DENND1C: variants seen among roughly 807,000 people sequenced by gnomAD.
The protein encoded by DENND1C is DENN domain-containing protein 1C.
In DENND1C, 64 loss-of-function variants were observed where a neutral mutation model predicts 87.9. That is an observed-to-expected ratio of 0.73 (90% CI 0.60 to 0.90). DENND1C has a LOEUF of 0.90. Among genes scored for constraint, DENND1C ranks in the 40% least tolerant of loss-of-function variants. The probability of loss-of-function intolerance (pLI) is 0.00; values close to 1 mark genes in which losing one functional copy is unlikely to be tolerated. For synonymous variants in DENND1C, 384 were observed against 424.4 expected (o/e 0.90, Z 1.17); for missense variants, 980 against 1,037.0 (o/e 0.95, Z 0.76).
chr19:6,475,905 G>C lies in DENND1C; in HGVS notation c.711C>G (p.Leu237=), dbSNP rs1305461720. 1 of 1,570,968 alleles carries C rather than the reference G, an allele frequency of 6.4e-7. No individual in the cohort carries two copies. The highest frequency in any genetic ancestry group is 8.6e-7 in the Non-Finnish European group (1 of 1,166,650). ...LTSCVHASCA[L]LYPMRWEHVL... ...CGTGCTCCCAGCGCATGGGGTACAG[G>C]AGCGCGCAGGACGCGTGGACGCACG... is the stretch of plus-strand genomic sequence containing the variant. The change falls in exon 11 of 23, where the codon CTC becomes CTG. Residue 237 remains leucine, a synonymous_variant. Transcript: ENST00000381480.
chr19:6,480,114 T>C lies in DENND1C; in HGVS notation c.18-63A>G, dbSNP rs1408805660. 10 of 1,559,480 alleles carry C rather than the reference T, an allele frequency of 6.4e-6. No individual in the cohort carries two copies. In the Admixed American group the frequency reaches 1.9e-4, roughly 30 times the overall value. On this transcript the variant is annotated intron_variant, in intron 1 of 22. Coordinates refer to ENST00000381480, the MANE Select transcript of DENND1C (RefSeq NM_024898.4). ...TGCATGTGTGGTTGTGTCTGCCACT[T>C]TGCACACAAGTGTGGTTGTGTGTGC... is the stretch of plus-strand genomic sequence containing the variant.
In DENND1C at chr19:6,476,720, C is replaced by T; in HGVS notation, c.678+137G>A. On this transcript the variant is annotated intron_variant, in intron 10 of 22. Transcript: ENST00000381480. ...GGGCCAGAGTTCAACTCTCCAAGAC[C>T]TTCGAAGGGGCGGGGCCAGGACTTC... 9.0e-6 allele frequency: 8 copies of T among 884,460 alleles called. No homozygotes were observed. The South Asian group carries it at 1.1e-4, about 12-fold the overall frequency. 54.8% of individuals were successfully genotyped at this position (884,460 alleles called of 1,614,324 possible). A position where few individuals can be genotyped will look rare whatever the true frequency, so the allele number is the denominator to read the frequency against.
intron 10 of DENND1C, 192 bp from the exon 11 acceptor site, chr19:6,476,129 G>A: frequency 1.7e-6 from 1 of 590,544 alleles, no homozygotes; most frequent in Non-Finnish European, 2.9e-6. Context: ...GCTTTAAGCG[G>A]GTGAAGCCAG....
chr19:6,469,517 C>CA, intron 19 of DENND1C, 79 bp downstream of exon 19: 1 of 1,442,772 alleles, frequency 6.9e-7, no homozygotes, highest in Non-Finnish European at 9.5e-7. Context: ...CTCCTGGGCT[C>CA]AAGCAATCCT....
At position 6,477,446 on chromosome 19, in the gene DENND1C, C is replaced by T; in HGVS notation, c.379G>A (p.Glu127Lys). 1 of 1,612,712 alleles carries T rather than the reference C, an allele frequency of 6.2e-7. No homozygotes were observed. The highest frequency in any genetic ancestry group is 8.5e-7 in the Non-Finnish European group (1 of 1,179,564). Residue 127 changes from glutamate (E) to lysine (K), a missense_variant, in exon 7 of 23, where the codon GAG becomes AAG. Transcript: ENST00000381480. ...LLAQDQVTEA[E>K]ELLQNLFQQS... ...TGAAACAGATTTTGAAGAAGTTCCT[C>T]TGCCTCGGTGACCTGGGTGGGACGT...
intron 14 of DENND1C, among the ~76,000 whole-genome samples, chr19:6,473,366 G>C (rs1429309061): frequency 6.6e-6 from 1 of 151,450 alleles, no homozygotes; most frequent in East Asian, 1.9e-4. Context: ...TGTTGGCCAG[G>C]TTGGTCTCCA....
chr19:6,473,922 C>G (rs1189171661), intron 14 of DENND1C, among the ~76,000 whole-genome samples: 1 of 151,920 alleles, frequency 6.6e-6, no homozygotes, highest in African/African-American at 2.4e-5. Flanking sequence ...AGGCCGGGCG[C>G]GGTGGATCAC....
At chr19:6,479,278 TG>T in intron 4 of DENND1C, among the ~76,000 whole-genome samples, 1 of 150,346 alleles carries the variant, frequency 6.7e-6, no homozygotes, top group African/African-American at 2.5e-5. Flanking sequence ...TCTGGGTTTC[TG>T]GATCTCTGGG....
Position 6,467,864 on chromosome 19 carries a change from A to G in DENND1C, c.2046T>C (p.His682=). ...CAGCTGCCTTGTGGGAAGGGGTGAG[A>G]TGAAGAATTAGGGGCTCTGTGAGAG... is the stretch of plus-strand genomic sequence containing the variant. ...PSPLTEPLIL[H]LTPSHKAAED... The change falls in exon 23 of 23, where the codon CAT becomes CAC. Residue 682 remains histidine, a synonymous_variant. Transcript: ENST00000381480. 1 of 1,601,890 alleles carries G rather than the reference A, an allele frequency of 6.2e-7. No homozygotes were observed. Among genetic ancestry groups the G allele is most frequent in the Non-Finnish European group, 8.5e-7 (1 of 1,173,830 alleles).
In DENND1C at chr19:6,476,658, A is replaced by C. The variant is rs1022216611; in HGVS notation, c.678+199T>G. 1.2e-4 allele frequency: 68 copies of C among 583,968 alleles called. No individual in the cohort carries two copies. In the African/African-American group the frequency reaches 1.2e-3, roughly 10 times the overall value. The allele number at this position is 583,968 out of a possible 1,614,324, so 36.2% of individuals were successfully genotyped here. On this transcript the variant is annotated intron_variant, in intron 10 of 22. Transcript: ENST00000381480. Reference sequence around the variant, plus strand: ...GAGCCTGAGCACAGTACTCCCAAAAAGGAGGAGCTGCAGCGCAGCCCCCTC... The same window carrying C: ...GAGCCTGAGCACAGTACTCCCAAAACGGAGGAGCTGCAGCGCAGCCCCCTC...
intron 6 of DENND1C, 144 bp from the exon 7 acceptor site, chr19:6,477,602 G>T (rs2092870293): frequency 1.8e-5 from 3 of 165,974 alleles, no homozygotes; most frequent in South Asian, 3.1e-4. Context: ...TTCTTTAAAA[G>T]AAATTAATAA....
intron 5 of DENND1C, 35 bp from the exon 6 acceptor site, chr19:6,478,887 C>G: frequency 1.2e-6 from 2 of 1,613,874 alleles, no homozygotes; most frequent in Non-Finnish European, 8.5e-7. Flanking sequence ...ACGAAGTGTC[C>G]CTAGGCCTCG....
At chr19:6,471,519 A>G in intron 15 of DENND1C, 23 bp from the exon 16 acceptor site, 1 of 1,522,212 alleles carries the variant, frequency 6.6e-7, no homozygotes, top group Non-Finnish European at 8.8e-7. Flanking sequence ...ACAGTAAATC[A>G]GAAACAGCAG....
chr19:6,469,859 T>C (rs1373019407), intron 18 of DENND1C: 5 of 567,334 alleles, frequency 8.8e-6, no homozygotes, highest in South Asian at 2.1e-5. Context: ...CCAAAGAAAA[T>C]GGGGAGTGGC....
At chr19:6,481,607 C>T (rs371136788) in intron 1 of DENND1C, 72 bp downstream of exon 1, 1 of 1,603,196 alleles carries the variant, frequency 6.2e-7, no homozygotes, top group African/African-American at 1.3e-5. Flanking sequence ...CCAGCCCCAG[C>T]TCCCCTCTGC....
intron 7 of DENND1C, 42 bp from the exon 8 acceptor site, chr19:6,477,325 G>T: frequency 6.2e-7 from 1 of 1,606,490 alleles, no homozygotes; most frequent in Non-Finnish European, 8.5e-7. Flanking sequence ...TGGCTGGGAC[G>T]CAGCCTTCCC....
chr19:6,481,148 C>T (rs2145222178), intron 1 of DENND1C, among the ~76,000 whole-genome samples: 1 of 151,584 alleles, frequency 6.6e-6, no homozygotes. Context: ...TGCTTTCCTC[C>T]TCTGCCCCCA....
At chr19:6,477,049 C>T in intron 9 of DENND1C, 25 bp downstream of exon 9, 2 of 1,610,852 alleles carry the variant, frequency 1.2e-6, no homozygotes, top group South Asian at 1.1e-5. Flanking sequence ...CCTGTTCTCA[C>T]CCCCAGAGAC....
intron 15 of DENND1C, among the ~76,000 whole-genome samples, chr19:6,472,640 C>A (rs182652011): frequency 1.3e-3 from 204 of 152,282 alleles, no homozygotes; most frequent in African/African-American, 4.7e-3. Flanking sequence ...CCGCCTGCCT[C>A]GGCCTCCCAA....
Sources: gnomAD v4.1 joint callset for allele counts (sites outside exome capture counted in the v4.1 genomes callset) on GRCh38, gnomAD v4.1.1 for gene constraint, MANE v1.5 for transcripts, NCBI Gene and HGNC (gene_info 2026-07-23, HGNC 2026-07-21) for gene names.